SNTB1: variants seen among roughly 807,000 people sequenced by gnomAD.
The protein encoded by SNTB1 is syntrophin beta 1.
In SNTB1, 36 loss-of-function variants were observed where a neutral mutation model predicts 48.9. That is an observed-to-expected ratio of 0.74 (90% CI 0.56 to 0.97). The LOEUF is 0.97. Among genes scored for constraint, SNTB1 ranks in the 50% least tolerant of loss-of-function variants. SNTB1 has a pLI of 0.00. For synonymous variants in SNTB1, 299 were observed against 294.6 expected (o/e 1.01, Z -0.15); for missense variants, 786 against 703.4 (o/e 1.12, Z -1.33).
chr8:120,650,679 C>G (rs763632223), intron 2 of SNTB1, among the ~76,000 whole-genome samples: 3 of 152,174 alleles, frequency 2.0e-5, no homozygotes, highest in Admixed American at 6.5e-5. Context: ...ATTAACTGAA[C>G]TTCAGATACA....
intron 3 of SNTB1, among the ~76,000 whole-genome samples, chr8:120,583,560 C>CAAAA (rs1554646118): frequency 2.2e-4 from 29 of 134,814 alleles, no homozygotes; most frequent in African/African-American, 7.9e-4. Flanking sequence ...CACACACACA[C>CAAAA]AAAACTGGAA....
intron 1 of SNTB1, among the ~76,000 whole-genome samples, chr8:120,701,231 A>G (rs1410494091): frequency 1.3e-5 from 2 of 152,198 alleles, no homozygotes; most frequent in Non-Finnish European, 2.9e-5. Context: ...GTTTCTCAGA[A>G]GTTATAGCTA....
chr8:120,552,310 C>T (rs1342029389), intron 4 of SNTB1, among the ~76,000 whole-genome samples: 1 of 152,066 alleles, frequency 6.6e-6, no homozygotes, highest in African/African-American at 2.4e-5. Context: ...TGACCAATAC[C>T]CTGAACAGGG....
intron 3 of SNTB1, among the ~76,000 whole-genome samples, chr8:120,582,722 A>G (rs1295629657): frequency 2.6e-5 from 4 of 152,072 alleles, no homozygotes; most frequent in African/African-American, 9.7e-5. Flanking sequence ...GAACACATGG[A>G]CACAGGGAGG....
chr8:120,754,531 A>T (rs1424883104), intron 1 of SNTB1, among the ~76,000 whole-genome samples: 1 of 152,110 alleles, frequency 6.6e-6, no homozygotes, highest in Non-Finnish European at 1.5e-5. Flanking sequence ...TGGGATTGAG[A>T]TTCCTTGTCT....
intron 2 of SNTB1, among the ~76,000 whole-genome samples, chr8:120,651,401 A>T (rs1230451657): frequency 1.3e-5 from 2 of 152,208 alleles, no homozygotes; most frequent in Non-Finnish European, 1.5e-5. Flanking sequence ...CTTTGTTCTA[A>T]AAACAAAAAA....
intron 3 of SNTB1, among the ~76,000 whole-genome samples, chr8:120,594,053 C>CTTTATTTATTTA (rs147532780): frequency 6.6e-5 from 10 of 150,714 alleles, no homozygotes; most frequent in Non-Finnish European, 1.5e-4. Context: ...CAGTACATGT[C>CTTTATTTATTTA]TTTATTTATT....
chr8:120,649,823 C>T (rs894009289), intron 2 of SNTB1, among the ~76,000 whole-genome samples: 6 of 152,058 alleles, frequency 3.9e-5, no homozygotes, highest in African/African-American at 1.2e-4. Flanking sequence ...AGCGAGACTC[C>T]GTGGGCGTAG....
At chr8:120,635,913 T>C (rs1040495528) in intron 2 of SNTB1, 122 of 447,458 alleles carry the variant, frequency 2.7e-4, no homozygotes, top group African/African-American at 2.4e-3. Flanking sequence ...AAATTCTTTA[T>C]TTCCTTTTTG....
At chr8:120,611,420 T>C (rs977967465) in intron 3 of SNTB1, among the ~76,000 whole-genome samples, 3 of 152,042 alleles carry the variant, frequency 2.0e-5, no homozygotes, top group Non-Finnish European at 4.4e-5. Context: ...ATTTGTGGAG[T>C]TATATTGTCC....
At chr8:120,734,627 G>C (rs1818912282) in intron 1 of SNTB1, among the ~76,000 whole-genome samples, 1 of 152,074 alleles carries the variant, frequency 6.6e-6, no homozygotes, top group Non-Finnish European at 1.5e-5. Flanking sequence ...AATGCTCCTG[G>C]GTTATCGAAC....
chr8:120,621,191 C>G (rs1816789249), intron 3 of SNTB1, among the ~76,000 whole-genome samples: 1 of 152,028 alleles, frequency 6.6e-6, no homozygotes, highest in African/African-American at 2.4e-5. Context: ...AACTCCTGAC[C>G]TCAGGTGATC....
chr8:120,797,397 T>A (rs1180085469), intron 1 of SNTB1, among the ~76,000 whole-genome samples: 2 of 152,022 alleles, frequency 1.3e-5, no homozygotes, highest in African/African-American at 2.4e-5. Context: ...ACAGCACATA[T>A]GACTTTGTTA....
At chr8:120,762,130 A>G (rs754994549) in intron 1 of SNTB1, among the ~76,000 whole-genome samples, 5 of 152,194 alleles carry the variant, frequency 3.3e-5, no homozygotes, top group Non-Finnish European at 7.3e-5. Flanking sequence ...GAATTTGATT[A>G]CTCATTATGT....
intron 3 of SNTB1, among the ~76,000 whole-genome samples, chr8:120,625,402 C>A (rs1016419650): frequency 2.0e-5 from 3 of 152,198 alleles, no homozygotes; most frequent in African/African-American, 7.2e-5. Flanking sequence ...CTGATGTTTC[C>A]ACTTTGGTGA....
intron 3 of SNTB1, among the ~76,000 whole-genome samples, chr8:120,604,821 A>G (rs1816486193): frequency 6.6e-6 from 1 of 152,224 alleles, no homozygotes; most frequent in Non-Finnish European, 1.5e-5. Context: ...AGACTGAACT[A>G]TATAGCTCAG....
chr8:120,653,325 G>A (rs1338208292), intron 2 of SNTB1, among the ~76,000 whole-genome samples: 1 of 152,170 alleles, frequency 6.6e-6, no homozygotes, highest in Non-Finnish European at 1.5e-5. Flanking sequence ...GAGACATGCA[G>A]AAAAGAAGGT....
chr8:120,752,696 A>G (rs1819241555), intron 1 of SNTB1, among the ~76,000 whole-genome samples: 1 of 148,618 alleles, frequency 6.7e-6, no homozygotes, highest in African/African-American at 2.6e-5. Context: ...GTTAATTAGG[A>G]TATCCTAAGT....
chr8:120,662,378 T>C (rs1228937569), intron 2 of SNTB1, among the ~76,000 whole-genome samples: 1 of 152,224 alleles, frequency 6.6e-6, no homozygotes, highest in Non-Finnish European at 1.5e-5. Flanking sequence ...GGGAAGAAAG[T>C]CAGTCTCTCT....
Sources: gnomAD v4.1 joint callset for allele counts (sites outside exome capture counted in the v4.1 genomes callset) on GRCh38, gnomAD v4.1.1 for gene constraint, MANE v1.5 for transcripts, NCBI Gene and HGNC (gene_info 2026-07-23, HGNC 2026-07-21) for gene names.